The following ATP6V0A4 variants were observed in gnomAD, a reference collection of about 807,000 sequenced individuals.
ATP6V0A4 encodes the protein ATPase H+ transporting V0 subunit a4.
A neutral mutation model predicts 107.3 loss-of-function variants in ATP6V0A4; 86 were observed. The ratio of observed to expected loss-of-function variants is 0.80; its 90% CI spans 0.67 to 0.96. The LOEUF (loss-of-function observed/expected upper bound fraction) is 0.96. Ranked by LOEUF, ATP6V0A4 falls within the 40% of genes least tolerant of loss-of-function variation. The probability of loss-of-function intolerance (pLI) is 0.00; values close to 1 mark genes in which losing one functional copy is unlikely to be tolerated. For synonymous variants in ATP6V0A4, 353 were observed against 381.4 expected, an observed-to-expected ratio of 0.93 and a Z score of 0.87; for missense variants, 908 against 1,045.6, an observed-to-expected ratio of 0.87 and a Z score of 1.81.
intron 8 of ATP6V0A4, among the ~76,000 whole-genome samples, chr7:138,759,222 GTTAA>G (rs1806666170): frequency 6.6e-6 from 1 of 151,218 alleles, no homozygotes; most frequent in African/African-American, 2.4e-5. Context: ...ACCACACTTG[GTTAA>G]CTTTTTTTTG....
intron 17 of ATP6V0A4, among the ~76,000 whole-genome samples, chr7:138,731,179 C>T (rs1562988594): frequency 6.6e-6 from 1 of 152,206 alleles, no homozygotes; most frequent in Non-Finnish European, 1.5e-5. Context: ...AGGTGATCTG[C>T]CTGCCTTGGC....
At position 138,768,859 on chromosome 7, in the gene ATP6V0A4, T is replaced by C; in HGVS notation, c.212A>G (p.Glu71Gly). 2 of 1,614,204 alleles carry C rather than the reference T, an allele frequency of 1.2e-6. No individual in the cohort carries two copies. Among genetic ancestry groups the C allele is most frequent in the African/African-American group, 2.7e-5 (2 of 75,038 alleles). Residue 71 changes from glutamate (E) to glycine (G), a missense_variant, in exon 5 of 22, where the codon GAG becomes GGG. By Grantham distance (98) the Glu-to-Gly change is moderately conservative (BLOSUM62 -2). Coordinates refer to ENST00000310018, the MANE Select transcript of ATP6V0A4 (RefSeq NM_020632.3). ...LERILRFLEDEMQNEIVVQLL... is the reference protein window; with the variant it reads ...LERILRFLEDGMQNEIVVQLL... ...CTGAACTACAATCTCATTTTGCATC[T>C]CGTCTTCCAGAAAACCTGAAGAATG...
intron 17 of ATP6V0A4, among the ~76,000 whole-genome samples, chr7:138,730,339 TGA>T (rs1804932383): frequency 1.0e-5 from 1 of 99,294 alleles, no homozygotes; most frequent in South Asian, 4.2e-4. Flanking sequence ...AGCAACGGGA[TGA>T]GTGTGTGTGT....
At chr7:138,732,806 AG>A in intron 17 of ATP6V0A4, 70 bp downstream of exon 17, 2 of 1,403,346 alleles carry the variant, frequency 1.4e-6, no homozygotes, top group East Asian at 2.5e-5. Context: ...AAAAAAAAAA[AG>A]AGTAGGAGAG....
Position 138,734,156 on chromosome 7 carries a change from G to T in ATP6V0A4, c.1671C>A (p.Ile557=). The T allele has an allele frequency of 6.2e-7, 1 of 1,613,078 alleles. No homozygotes were observed. The highest frequency in any genetic ancestry group is 8.5e-7 in the Non-Finnish European group (1 of 1,179,124). Reference sequence around the variant, plus strand: ...CTTACATGTGATTGAAAAGGCTGAGGATGACACCGAAAACCATCTGGACAA... The same window carrying T: ...CTTACATGTGATTGAAAAGGCTGAGTATGACACCGAAAACCATCTGGACAA... The part of the protein sequence containing the change: ...LGIVQMVFGV[I]LSLFNHIYFR... Residue 557 remains isoleucine, a synonymous_variant, in exon 16 of 22, where the codon ATC becomes ATA. Coordinates refer to ENST00000310018, the MANE Select transcript of ATP6V0A4 (RefSeq NM_020632.3).
At chr7:138,730,136 G>A (rs547940680) in intron 17 of ATP6V0A4, among the ~76,000 whole-genome samples, 106 of 152,194 alleles carry the variant, frequency 7.0e-4, no homozygotes, top group Non-Finnish European at 1.1e-3. Context: ...CGCCCGCCTC[G>A]GCCTCCCAAA....
chr7:138,771,400 CT>C lies in ATP6V0A4; in HGVS notation c.-17-137del, dbSNP rs199718487. On this transcript the variant is annotated intron_variant, in intron 2 of 21. Coordinates refer to ENST00000310018, the MANE Select transcript of ATP6V0A4 (RefSeq NM_020632.3). The stretch of plus-strand genomic sequence containing the variant: ...AGGAATCACTTCTGATTTTAGGAGA[CT>C]TTTTTTTTTTTTTTTTCTTAGACAG... 0.15 allele frequency: 93,718 copies of C among 634,326 alleles called. 37 individuals carry two copies. The highest frequency in any genetic ancestry group is 0.19 in the East Asian group (4,628 of 24,200). 39.3% of individuals were successfully genotyped at this position (634,326 alleles called of 1,614,324 possible). A position where few individuals can be genotyped will look rare whatever the true frequency, so the allele number is the denominator to read the frequency against.
chr7:138,721,804 G>A, intron 19 of ATP6V0A4, 93 bp downstream of exon 19: 1 of 1,466,494 alleles, frequency 6.8e-7, no homozygotes, highest in Non-Finnish European at 9.5e-7. Flanking sequence ...TGCCCCGTGG[G>A]GCCCTCCAGA....
chr7:138,777,987 G>A (rs1237059288), intron 2 of ATP6V0A4, among the ~76,000 whole-genome samples: 1 of 152,124 alleles, frequency 6.6e-6, no homozygotes, highest in African/African-American at 2.4e-5. Flanking sequence ...GTGACAGGTC[G>A]CAATCAAAAC....
chr7:138,762,196 A>T, intron 7 of ATP6V0A4, 144 bp downstream of exon 7: 1 of 1,060,770 alleles, frequency 9.4e-7, no homozygotes, highest in Admixed American at 1.9e-5. Flanking sequence ...AGTAAGTTAC[A>T]TATGGGTCTA....
chr7:138,747,690 C>T (rs1584922328), intron 12 of ATP6V0A4, 126 bp from the exon 13 acceptor site: 1 of 1,439,836 alleles, frequency 6.9e-7, no homozygotes, highest in Admixed American at 2.1e-5. Flanking sequence ...TGTCTTTTCT[C>T]ACCATCCCTA....
chr7:138,795,100 C>G (rs1808595673), intron 1 of ATP6V0A4, among the ~76,000 whole-genome samples: 2 of 152,130 alleles, frequency 1.3e-5, no homozygotes, highest in Non-Finnish European at 2.9e-5. Context: ...TGGGATTTCA[C>G]CATGTTAGCC....
intron 2 of ATP6V0A4, among the ~76,000 whole-genome samples, chr7:138,771,779 C>T (rs1242290424): frequency 6.6e-6 from 1 of 152,046 alleles, no homozygotes; most frequent in African/African-American, 2.4e-5. Flanking sequence ...ACCACCACAC[C>T]CAGCTAGTTG....
chr7:138,711,478 C>T lies in ATP6V0A4; in HGVS notation c.2258-1683G>A, dbSNP rs754479363. The stretch of plus-strand genomic sequence containing the variant: ...ACATCCTTGGCTTGAGATTTGAAGG[C>T]CCCTGCTAAAAGGTCACAATGATGT... On this transcript the variant is annotated intron_variant, in intron 20 of 21. Coordinates refer to ENST00000310018, the MANE Select transcript of ATP6V0A4 (RefSeq NM_020632.3). Among the ~76,000 whole-genome samples the T allele has an allele frequency of 8.5e-4, 129 of 152,122 alleles. 1 individual carries two copies. The highest frequency in any genetic ancestry group is 1.8e-3 in the Non-Finnish European group (123 of 67,956).
chr7:138,730,932 T>TTCTTCTTC (rs1419584318), intron 17 of ATP6V0A4, among the ~76,000 whole-genome samples: 82 of 9,854 alleles, frequency 8.3e-3, no homozygotes, highest in African/African-American at 0.027. Context: ...CTTCTTCTTC[T>TTCTTCTTC]TTTTTTATTT....
Position 138,768,804 on chromosome 7 carries a change from G to T in ATP6V0A4, c.267C>A (p.Leu89=). ...CCTCCAGGGTAATCATTTCCCGTGG[G>T]AGCGGGGTCAGTGGGCTTTTCTCGA... ...QLLEKSPLTP[L]PREMITLETV... Residue 89 remains leucine (L), a synonymous_variant, in exon 5 of 22, where the codon CTC becomes CTA. Coordinates refer to ENST00000310018, the MANE Select transcript of ATP6V0A4 (RefSeq NM_020632.3). The T allele has an allele frequency of 6.2e-7, 1 of 1,614,218 alleles. No individual in the cohort carries two copies.
intron 14 of ATP6V0A4, among the ~76,000 whole-genome samples, chr7:138,740,424 CTTTT>C (rs1288644564): frequency 7.8e-6 from 1 of 128,976 alleles, no homozygotes; most frequent in Non-Finnish European, 1.7e-5. Flanking sequence ...GAAGAAATTT[CTTTT>C]TTTTTTTTTT....
chr7:138,745,081 C>T (rs1475224718), intron 14 of ATP6V0A4, 42 bp downstream of exon 14: 2 of 1,561,136 alleles, frequency 1.3e-6, no homozygotes, highest in African/African-American at 2.7e-5. Flanking sequence ...CTGAGGCCAC[C>T]TGGATGGCCA....
chr7:138,717,536 T>C (rs1285574042), intron 19 of ATP6V0A4, among the ~76,000 whole-genome samples: 1 of 148,080 alleles, frequency 6.8e-6, no homozygotes, highest in Non-Finnish European at 1.5e-5. Flanking sequence ...AGAGTGAGAC[T>C]CTGTCTAAAA....
Sources: gnomAD v4.1 joint callset for allele counts (sites outside exome capture counted in the v4.1 genomes callset) on GRCh38, gnomAD v4.1.1 for gene constraint, MANE v1.5 for transcripts, NCBI Gene and HGNC (gene_info 2026-07-23, HGNC 2026-07-21) for gene names.